Variants in ATP4B observed in about 807,000 individuals in gnomAD.
The protein encoded by ATP4B is potassium-transporting ATPase subunit beta.
Under a neutral mutation model 35.3 loss-of-function variants are expected in ATP4B, and 27 were observed. The observed-to-expected ratio is 0.76, with a 90% CI of 0.56 to 1.05. The LOEUF is 1.05. Among genes scored for constraint, ATP4B ranks in the 50% least tolerant of loss-of-function variants. The pLI is 0.00. For synonymous variants in ATP4B, 162 were observed against 156.0 expected (o/e 1.04, Z -0.29); for missense variants, 375 against 384.8 (o/e 0.97, Z 0.21).
Position 113,649,002 on chromosome 13 carries a change from T to TGG in ATP4B, c.*370_*371dup, listed in dbSNP as rs113895052. ...TGCATTAGTAGTTTTTATATTAATG[T>TGG]GGGGGGGGCAGTTCATATTGAAGTG... On this transcript the variant is annotated 3_prime_UTR_variant, in exon 7 of 7. Coordinates refer to ENST00000335288, the MANE Select transcript of ATP4B (RefSeq NM_000705.4). This position sits in a 1 kb window ranked among gnomAD's most constrained non-coding sequence, Gnocchi z 4.7. 21,244 of 161,150 alleles carry TGG rather than the reference T, an allele frequency of 0.13. 1,513 individuals carry two copies. The highest frequency in any genetic ancestry group is 0.21 in the Middle Eastern group (65 of 308). The allele number at this position is 161,150 out of a possible 1,614,324, so 10.0% of individuals were successfully genotyped here.
At position 113,650,295 on chromosome 13, in the gene ATP4B, G is replaced by T; in HGVS notation, c.714+111C>A. 2 of 1,064,316 alleles carry T rather than the reference G, an allele frequency of 1.9e-6. No homozygotes were observed. The highest frequency in any genetic ancestry group is 1.4e-6 in the Non-Finnish European group (1 of 703,660). The allele number at this position is 1,064,316 out of a possible 1,614,324, so 65.9% of individuals were successfully genotyped here. A position where few individuals can be genotyped will look rare whatever the true frequency, so the allele number is the denominator to read the frequency against. On this transcript the variant is annotated intron_variant, in intron 6 of 6. Coordinates refer to ENST00000335288, the MANE Select transcript of ATP4B (RefSeq NM_000705.4). This position sits in a 1 kb window ranked among gnomAD's most constrained non-coding sequence, Gnocchi z 5.0. ...GAACGTTCCAGTCAGGACCGGCTAAGTCACACCTTTGTTTCATTTTTCTAC... is the reference window on the plus strand; with the variant it reads ...GAACGTTCCAGTCAGGACCGGCTAATTCACACCTTTGTTTCATTTTTCTAC...
In ATP4B at chr13:113,649,811, C is replaced by T. The variant is rs148609852; in HGVS notation, c.715-276G>A. ...ACGTAAAAATGAAACAGGAAAAGCA[C>T]GTGATGTGGAGGAAAGTCTTCGAAG... On this transcript the variant is annotated intron_variant, in intron 6 of 6. Transcript: ENST00000335288. This position sits in a 1 kb window ranked among gnomAD's most constrained non-coding sequence, Gnocchi z 4.7. Among the ~76,000 whole-genome samples the T allele has an allele frequency of 2.6e-5, 4 of 152,226 alleles. No homozygotes were observed. Among genetic ancestry groups the T allele is most frequent in the African/African-American group, 9.6e-5 (4 of 41,522 alleles).
In ATP4B at chr13:113,650,489, C is replaced by T. The variant is rs747184244; in HGVS notation, c.631G>A (p.Gly211Ser). ...CAFLDQPREL[G>S]QPLQVKYYPP... ...TAGTACTTGACCTGCAGCGGCTGGC[C>T]GAGCTCGCGGGGCTGGTCCTGGGGA... The change falls in exon 6 of 7, where the codon GGC (glycine) becomes AGC (serine). Residue 211 changes from glycine to serine, a missense_variant. Physicochemically the swap from Gly to Ser is moderately conservative, Grantham distance 56 (BLOSUM62 0). Transcript: ENST00000335288. This position sits in a 1 kb window ranked among gnomAD's most constrained non-coding sequence, Gnocchi z 5.0. 1.1e-5 allele frequency: 18 copies of T among 1,613,020 alleles called. No individual in the cohort carries two copies. Among genetic ancestry groups the T allele is most frequent in the African/African-American group, 6.7e-5 (5 of 74,912 alleles).
At position 113,650,122 on chromosome 13, in the gene ATP4B, G is replaced by A. The variant is rs2049700209; in HGVS notation, c.714+284C>T. On this transcript the variant is annotated intron_variant, in intron 6 of 6. Transcript: ENST00000335288. This position sits in a 1 kb window ranked among gnomAD's most constrained non-coding sequence, Gnocchi z 5.0. ...AGGCTGCAATGAGCTAAGATGCTAA[G>A]ATTGCATTGCTGCAATCCACCCTGG... Among the ~76,000 whole-genome samples, 1 of 150,974 alleles carries A rather than the reference G, an allele frequency of 6.6e-6. No individual in the cohort carries two copies. The highest frequency in any genetic ancestry group is 2.4e-5 in the African/African-American group (1 of 40,882).
intron 1 of ATP4B, 103 bp from the exon 2 acceptor site, chr13:113,655,045 A>G: frequency 6.9e-7 from 1 of 1,459,144 alleles, no homozygotes; most frequent in Non-Finnish European, 9.2e-7. Context: ...CATCTTCCCT[A>G]CCTAGTTCCA....
chr13:113,652,508 C>T (rs751832916), intron 4 of ATP4B, among the ~76,000 whole-genome samples: 30 of 152,242 alleles, frequency 2.0e-4, no homozygotes, highest in Non-Finnish European at 4.3e-4. Context: ...TTGGAAGCCT[C>T]TGCTTTAGAA....
chr13:113,650,646 T>A lies in ATP4B; in HGVS notation c.613-139A>T. ...CACTTTATTGCATACTTAGCATAAA[T>A]CAGATGCAATCTTTCTAATCAGTGC... On this transcript the variant is annotated intron_variant, in intron 5 of 6. Transcript: ENST00000335288. The surrounding 1 kb of genome is among the most constrained non-coding windows in gnomAD (Gnocchi z 5.0). 1 of 608,284 alleles carries A rather than the reference T, an allele frequency of 1.6e-6. No individual in the cohort carries two copies. Among genetic ancestry groups the A allele is most frequent in the Non-Finnish European group, 2.9e-6 (1 of 349,652 alleles). 37.7% of individuals were successfully genotyped at this position (608,284 alleles called of 1,614,324 possible).
chr13:113,652,757 C>T, intron 4 of ATP4B, 116 bp downstream of exon 4: 1 of 1,224,752 alleles, frequency 8.2e-7, no homozygotes, highest in Non-Finnish European at 1.2e-6. Context: ...GGCTGGAGTC[C>T]CTGTCCCGCT....
At chr13:113,654,764 C>A (rs375727011) in intron 2 of ATP4B, 50 bp downstream of exon 2, 39 of 1,590,446 alleles carry the variant, frequency 2.5e-5, no homozygotes, top group Non-Finnish European at 1.0e-5. Context: ...GCCGAGGAGG[C>A]GGCAGCCTGG....
At chr13:113,651,401 C>T (rs2049710878) in intron 5 of ATP4B, among the ~76,000 whole-genome samples, 2 of 152,226 alleles carry the variant, frequency 1.3e-5, no homozygotes, top group African/African-American at 2.4e-5. Context: ...TCCACATCGC[C>T]ACCAGGCGTT....
At chr13:113,653,697 G>A (rs1473150284) in intron 2 of ATP4B, among the ~76,000 whole-genome samples, 2 of 152,348 alleles carry the variant, frequency 1.3e-5, no homozygotes, top group South Asian at 2.1e-4. Flanking sequence ...TCTCTCCACC[G>A]GGTGCCTGCT....
intron 1 of ATP4B, 130 bp from the exon 2 acceptor site, chr13:113,655,072 C>A (rs2049743483): frequency 1.2e-5 from 16 of 1,286,158 alleles, no homozygotes; most frequent in Non-Finnish European, 1.6e-5. Flanking sequence ...TCTCCTCCCC[C>A]AAAACAGAAA....
chr13:113,654,255 G>A (rs1176210323), intron 2 of ATP4B, among the ~76,000 whole-genome samples: 2 of 152,188 alleles, frequency 1.3e-5, no homozygotes, highest in Non-Finnish European at 2.9e-5. Flanking sequence ...CCTTCAGCAG[G>A]GTCTGAGGGA....
At chr13:113,651,417 G>A (rs4076410) in intron 5 of ATP4B, among the ~76,000 whole-genome samples, 30,897 of 152,248 alleles carry the variant, frequency 0.2, 5,188 homozygotes, top group African/African-American at 0.47. Context: ...GCGTTTTGAA[G>A]CGTGCTGCTG....
In ATP4B at chr13:113,650,580, T is replaced by TGC; in HGVS notation, c.613-75_613-74dup. 1.6e-6 allele frequency: 2 copies of TGC among 1,213,194 alleles called. No homozygotes were observed. The highest frequency in any genetic ancestry group is 2.4e-6 in the Non-Finnish European group (2 of 849,434). The allele number at this position is 1,213,194 out of a possible 1,614,324, so 75.2% of individuals were successfully genotyped here. On this transcript the variant is annotated intron_variant, in intron 5 of 6. Coordinates refer to ENST00000335288, the MANE Select transcript of ATP4B (RefSeq NM_000705.4). The surrounding 1 kb of genome is among the most constrained non-coding windows in gnomAD (Gnocchi z 5.0). ...CCGGTGTCTGTGTGTTGCGTTTGTG[T>TGC]GCGTGTGTGCACACACGCGCTGTGT...
rs545504908 is a variant in ATP4B at position 113,650,176 on chromosome 13, A to G, written c.714+230T>C. ...ACAGAGCAAGACTGTCTCAAAAAAA[A>G]AAAAAAAAGTTGAAGAGTTAGAGTT... is the stretch of plus-strand genomic sequence containing the variant. On this transcript the variant is annotated intron_variant, in intron 6 of 6. Transcript: ENST00000335288. The surrounding 1 kb of genome is among the most constrained non-coding windows in gnomAD (Gnocchi z 5.0). 2.4e-4 allele frequency among the ~76,000 whole-genome samples: 36 copies of G among 152,238 alleles called. No individual in the cohort carries two copies. Among genetic ancestry groups the G allele is most frequent in the Admixed American group, 2.4e-3 (36 of 15,300 alleles).
rs1052313817 is a variant in ATP4B, at chr13:113,649,044, A to G, written c.*330T>C. 2.8e-5 allele frequency: 5 copies of G among 179,168 alleles called. No homozygotes were observed. Among genetic ancestry groups the G allele is most frequent in the Non-Finnish European group, 3.6e-5 (3 of 83,940 alleles). 11.1% of individuals were successfully genotyped at this position (179,168 alleles called of 1,614,324 possible). ...ATTGAAGTGTAGAAAAATAAATTATAGTAAGAAAGTGATGTCTACATAGAA... is the reference window on the plus strand; with the variant it reads ...ATTGAAGTGTAGAAAAATAAATTATGGTAAGAAAGTGATGTCTACATAGAA... On this transcript the variant is annotated 3_prime_UTR_variant, in exon 7 of 7. Coordinates refer to ENST00000335288, the MANE Select transcript of ATP4B (RefSeq NM_000705.4). This position sits in a 1 kb window ranked among gnomAD's most constrained non-coding sequence, Gnocchi z 4.7.
In ATP4B at chr13:113,658,048, T is replaced by TGCG; in HGVS notation, c.94_96dup (p.Arg32dup). 1 of 1,601,318 alleles carries TGCG rather than the reference T, an allele frequency of 6.2e-7. No individual in the cohort carries two copies. The highest frequency in any genetic ancestry group is 8.5e-7 in the Non-Finnish European group (1 of 1,175,142). ...CCGCACGTACCCCACCGGGACAGGG[T>TGCG]GCGGCCCAGCATCTGCCCCGTGTCC... is the stretch of plus-strand genomic sequence containing the variant. On this transcript the variant is annotated inframe_insertion, in exon 1 of 7. Transcript: ENST00000335288.
chr13:113,651,793 C>T (rs970313197), intron 4 of ATP4B, 66 bp from the exon 5 acceptor site: 27 of 1,570,766 alleles, frequency 1.7e-5, no homozygotes, highest in Admixed American at 7.2e-5. Flanking sequence ...GCACGGCACC[C>T]ACCCATGGAG....
Sources: gnomAD v4.1 joint callset for allele counts (sites outside exome capture counted in the v4.1 genomes callset) on GRCh38, gnomAD v4.1.1 for gene constraint, Gnocchi (gnomAD v3.1) non-coding constraint, MANE v1.5 for transcripts, NCBI Gene and HGNC (gene_info 2026-07-23, HGNC 2026-07-21) for gene names.